Variants in CTNNA2 observed in about 807,000 individuals in gnomAD.
CTNNA2 encodes the protein catenin alpha-2.
Under a neutral mutation model 101.0 loss-of-function variants are expected in CTNNA2, and 42 were observed. That is an observed-to-expected ratio of 0.42 (90% CI 0.32 to 0.54). The LOEUF is 0.54. Among genes scored for constraint, CTNNA2 ranks in the 20% least tolerant of loss-of-function variants. The probability of loss-of-function intolerance (pLI) is 0.14; values close to 1 mark genes in which losing one functional copy is unlikely to be tolerated. For missense variants in CTNNA2, 871 were observed against 1,223.1 expected, an observed-to-expected ratio of 0.71 and a Z score of 4.29; for synonymous variants, 450 against 456.4, an observed-to-expected ratio of 0.99 and a Z score of 0.18.
intron 1 of CTNNA2, among the ~76,000 whole-genome samples, chr2:79,578,183 G>A (rs1675914181): frequency 6.6e-6 from 1 of 151,974 alleles, no homozygotes; most frequent in Admixed American, 6.6e-5. Flanking sequence ...TACTTATTTT[G>A]CTCTGTAAAT....
chr2:80,143,202 G>T (rs1011435890), intron 7 of CTNNA2, among the ~76,000 whole-genome samples: 2 of 152,154 alleles, frequency 1.3e-5, no homozygotes, highest in Non-Finnish European at 2.9e-5. Context: ...TCCTCCAACA[G>T]CCTTCCTCAG....
At chr2:79,233,833 G>T (rs1674525156) in intron 2 of CTNNA2, among the ~76,000 whole-genome samples, 1 of 151,566 alleles carries the variant, frequency 6.6e-6, no homozygotes. Flanking sequence ...GATTATTGTT[G>T]GTTTAAAATC....
intron 2 of CTNNA2, among the ~76,000 whole-genome samples, chr2:79,301,359 C>T (rs1676103713): frequency 6.6e-6 from 1 of 152,156 alleles, no homozygotes; most frequent in Admixed American, 6.5e-5. Flanking sequence ...AATGTAAGAG[C>T]AGATGTCCAA....
intron 2 of CTNNA2, among the ~76,000 whole-genome samples, chr2:79,676,906 C>A (rs1039314470): frequency 6.6e-6 from 1 of 152,074 alleles, no homozygotes; most frequent in Non-Finnish European, 1.5e-5. Flanking sequence ...ATACAGGTTC[C>A]CTCCACCTTT....
intron 7 of CTNNA2, among the ~76,000 whole-genome samples, chr2:79,976,625 TTAC>T (rs1690861628): frequency 6.6e-6 from 1 of 152,200 alleles, no homozygotes; most frequent in Non-Finnish European, 1.5e-5. Context: ...GGCACAGGCA[TTAC>T]GATTACATTT....
chr2:80,529,973 G>A (rs986282715), intron 9 of CTNNA2, among the ~76,000 whole-genome samples: 3 of 152,148 alleles, frequency 2.0e-5, no homozygotes, highest in Admixed American at 1.3e-4. Context: ...ACTTTGGCTC[G>A]GGGTTTGTGT....
intron 9 of CTNNA2, among the ~76,000 whole-genome samples, chr2:80,474,010 G>A (rs1357725465): frequency 1.3e-5 from 2 of 152,136 alleles, no homozygotes; most frequent in Non-Finnish European, 2.9e-5. Context: ...TTCAATGCAG[G>A]CACAGCTGCC....
intron 6 of CTNNA2, among the ~76,000 whole-genome samples, chr2:79,907,014 A>T (rs1303031883): frequency 1.3e-5 from 2 of 152,178 alleles, no homozygotes; most frequent in Non-Finnish European, 2.9e-5. Flanking sequence ...CTGCAGAGAA[A>T]CTGTTTTACA....
intron 3 of CTNNA2, among the ~76,000 whole-genome samples, chr2:79,820,399 A>T (rs1328499155): frequency 6.6e-6 from 1 of 152,212 alleles, no homozygotes; most frequent in Non-Finnish European, 1.5e-5. Context: ...GTGGAAGTTC[A>T]GTTGCCAAGA....
intron 7 of CTNNA2, chr2:80,305,066 G>A: frequency 6.1e-6 from 6 of 985,056 alleles, no homozygotes; most frequent in Non-Finnish European, 7.2e-6. Flanking sequence ...CTGTCTACGT[G>A]TAAGAGATAC....
At chr2:79,870,572 A>G (rs1295228901) in intron 5 of CTNNA2, among the ~76,000 whole-genome samples, 5 of 152,088 alleles carry the variant, frequency 3.3e-5, no homozygotes, top group Non-Finnish European at 7.4e-5. Flanking sequence ...CAGCCTCAGT[A>G]TTAGTTTGTT....
At chr2:79,751,334 C>T (rs1254022217) in intron 3 of CTNNA2, among the ~76,000 whole-genome samples, 1 of 152,076 alleles carries the variant, frequency 6.6e-6, no homozygotes, top group Non-Finnish European at 1.5e-5. Context: ...TGGCACATGC[C>T]TGTAATCCCA....
At chr2:80,506,569 C>A (rs1688296199) in intron 9 of CTNNA2, among the ~76,000 whole-genome samples, 1 of 152,120 alleles carries the variant, frequency 6.6e-6, no homozygotes. Context: ...CAGTGGCAAA[C>A]AACTGAAGGG....
chr2:79,603,593 CG>C (rs1360557532), intron 1 of CTNNA2, among the ~76,000 whole-genome samples: 1 of 152,058 alleles, frequency 6.6e-6, no homozygotes, highest in Admixed American at 6.6e-5. Context: ...CTGAATACCC[CG>C]TCAGAACAGG....
chr2:79,381,300 GAA>G (rs1678036723), intron 4 of CTNNA2, among the ~76,000 whole-genome samples: 1 of 152,010 alleles, frequency 6.6e-6, no homozygotes, highest in Non-Finnish European at 1.5e-5. Context: ...AATAATAATA[GAA>G]AAACCCCCAA....
intron 9 of CTNNA2, among the ~76,000 whole-genome samples, chr2:80,461,872 C>G (rs1684458671): frequency 6.6e-6 from 1 of 152,162 alleles, no homozygotes; most frequent in Non-Finnish European, 1.5e-5. Flanking sequence ...ATATATGCCC[C>G]AGGCTCCTAC....
At chr2:80,116,257 A>C (rs1052045017) in intron 7 of CTNNA2, among the ~76,000 whole-genome samples, 1 of 151,838 alleles carries the variant, frequency 6.6e-6, no homozygotes, top group African/African-American at 2.4e-5. Context: ...CCTGTGGGCT[A>C]TAGTTTACCA....
At chr2:79,525,424 A>G (rs1312553599) in intron 1 of CTNNA2, among the ~76,000 whole-genome samples, 1 of 151,966 alleles carries the variant, frequency 6.6e-6, no homozygotes, top group African/African-American at 2.4e-5. Flanking sequence ...CATCTGGTCT[A>G]GTCTTTCTGC....
intron 7 of CTNNA2, among the ~76,000 whole-genome samples, chr2:80,245,259 C>T (rs888283290): frequency 1.6e-4 from 24 of 152,130 alleles, no homozygotes; most frequent in African/African-American, 5.1e-4. Flanking sequence ...CTCTCTTATT[C>T]GAGTCATTGG....
Sources: allele counts gnomAD v4.1 joint callset (sites outside exome capture counted in the v4.1 genomes callset), GRCh38; gene constraint gnomAD v4.1.1; transcripts MANE v1.5; gene names NCBI Gene and HGNC (gene_info 2026-07-23, HGNC 2026-07-21).